The following ALK variants were observed in gnomAD, a reference collection of about 807,000 sequenced individuals.
The protein encoded by ALK is ALK receptor tyrosine kinase, also known as ALK tyrosine kinase receptor.
Under a neutral mutation model 163.1 loss-of-function variants are expected in ALK, and 74 were observed. That is an observed-to-expected ratio of 0.45 (90% CI 0.38 to 0.55). The LOEUF (loss-of-function observed/expected upper bound fraction) is 0.55, where lower values mean the gene tolerates loss of function less well. Ranked by LOEUF, ALK falls within the 20% of genes least tolerant of loss-of-function variation. The pLI, the probability that ALK is intolerant of heterozygous loss-of-function variation, is 0.00. For missense variants in ALK, 2,063 were observed against 2,105.3 expected (o/e 0.98, Z 0.39); for synonymous variants, 960 against 843.2 (o/e 1.14, Z -2.40).
intron 3 of ALK, among the ~76,000 whole-genome samples, chr2:29,571,527 G>C (rs977429906): frequency 6.7e-6 from 1 of 149,662 alleles, no homozygotes; most frequent in Non-Finnish European, 1.5e-5. Context: ...AGTTTCCTGA[G>C]GCCTCCCCAG....
chr2:29,632,162 C>A (rs533830987), intron 3 of ALK, among the ~76,000 whole-genome samples: 1 of 152,138 alleles, frequency 6.6e-6, no homozygotes, highest in Non-Finnish European at 1.5e-5. Flanking sequence ...TGCCTACGTG[C>A]TGTCTGGTGC....
At chr2:29,397,100 A>T (rs1179571972) in intron 4 of ALK, among the ~76,000 whole-genome samples, 1 of 152,054 alleles carries the variant, frequency 6.6e-6, no homozygotes, top group Non-Finnish European at 1.5e-5. Flanking sequence ...GACTCACTCA[A>T]AAAGGTATGT....
At chr2:29,517,339 T>G (rs1286533646) in intron 4 of ALK, among the ~76,000 whole-genome samples, 1 of 152,106 alleles carries the variant, frequency 6.6e-6, no homozygotes, top group African/African-American at 2.4e-5. Context: ...GTCATTTTAT[T>G]TCTCTTGTGT....
intron 13 of ALK, among the ~76,000 whole-genome samples, chr2:29,235,297 A>G (rs542692492): frequency 3.9e-5 from 6 of 152,342 alleles, no homozygotes; most frequent in South Asian, 2.1e-4. Flanking sequence ...GCTGCTTCGT[A>G]ACCAGCTAGT....
At chr2:29,662,323 G>A (rs1677374339) in intron 3 of ALK, among the ~76,000 whole-genome samples, 1 of 152,142 alleles carries the variant, frequency 6.6e-6, no homozygotes, top group South Asian at 2.1e-4. Context: ...CCTTGTGAAA[G>A]TCTAAAATTC....
chr2:29,535,199 CA>C (rs1673220974), intron 3 of ALK, among the ~76,000 whole-genome samples: 1 of 152,246 alleles, frequency 6.6e-6, no homozygotes, highest in South Asian at 2.1e-4. Context: ...CACAGACCTT[CA>C]CCCAGTGTGG....
chr2:29,460,578 G>A (rs1007975132), intron 4 of ALK, among the ~76,000 whole-genome samples: 9 of 152,056 alleles, frequency 5.9e-5, no homozygotes, highest in African/African-American at 2.2e-4. Context: ...ATCTGTTCCA[G>A]TGATCTGGGA....
intron 1 of ALK, among the ~76,000 whole-genome samples, chr2:29,807,238 A>G (rs1664641786): frequency 6.6e-6 from 1 of 152,234 alleles, no homozygotes; most frequent in African/African-American, 2.4e-5. Flanking sequence ...CAACAGTGAC[A>G]TAATAAGAAA....
intron 1 of ALK, among the ~76,000 whole-genome samples, chr2:29,736,072 T>G (rs1253612339): frequency 6.6e-6 from 1 of 152,076 alleles, no homozygotes; most frequent in Non-Finnish European, 1.5e-5. Context: ...GCCCAGGAAG[T>G]CTTACTCCAG....
chr2:29,296,505 G>A (rs942770461), intron 9 of ALK, among the ~76,000 whole-genome samples: 3 of 152,192 alleles, frequency 2.0e-5, no homozygotes, highest in Non-Finnish European at 4.4e-5. Context: ...AAATAAAAGT[G>A]GGGAAAGTAA....
intron 5 of ALK, among the ~76,000 whole-genome samples, chr2:29,376,181 A>G (rs886531764): frequency 1.3e-5 from 2 of 151,974 alleles, no homozygotes; most frequent in African/African-American, 4.8e-5. Context: ...CTGTAAAACC[A>G]ATATATACTC....
intron 3 of ALK, among the ~76,000 whole-genome samples, chr2:29,564,990 G>T (rs1476419695): frequency 6.6e-6 from 1 of 152,132 alleles, no homozygotes; most frequent in African/African-American, 2.4e-5. Flanking sequence ...AGTGACTTGA[G>T]GTAGCTTTCA....
At chr2:29,573,681 G>A (rs890671968) in intron 3 of ALK, among the ~76,000 whole-genome samples, 9 of 152,040 alleles carry the variant, frequency 5.9e-5, no homozygotes, top group African/African-American at 2.4e-5. Flanking sequence ...GAGAGCGTGC[G>A]GGCCACAAAA....
At chr2:29,525,364 G>A (rs1672929775) in intron 4 of ALK, among the ~76,000 whole-genome samples, 2 of 152,168 alleles carry the variant, frequency 1.3e-5, no homozygotes, top group Admixed American at 6.5e-5. Context: ...CCGCTTATGT[G>A]ATCAACCAAT....
intron 5 of ALK, among the ~76,000 whole-genome samples, chr2:29,332,285 CAAAAAAAAAAAAAAAAAAA>C (rs57598066): frequency 0.021 from 386 of 18,328 alleles, 3 homozygotes; most frequent in Non-Finnish European, 0.036. Flanking sequence ...GACTCCATCT[CAAAAAAAAAAAAAAAAAAA>C]AAAAAAAAAA....
chr2:29,531,445 T>C (rs1387139839), intron 4 of ALK, among the ~76,000 whole-genome samples: 1 of 152,154 alleles, frequency 6.6e-6, no homozygotes, highest in Non-Finnish European at 1.5e-5. Flanking sequence ...TACATTGGCG[T>C]AGTATCCATG....
intron 1 of ALK, among the ~76,000 whole-genome samples, chr2:29,783,025 T>C (rs1663880513): frequency 6.6e-6 from 1 of 152,220 alleles, no homozygotes; most frequent in Non-Finnish European, 1.5e-5. Flanking sequence ...CAGTGTTGTG[T>C]TCTGTTTCTA....
Position 29,526,826 on chromosome 2 carries a change from AG to A in ALK, c.1154+5088del, listed in dbSNP as rs567935107. ...CCAGAGCAGCCTGGGAAAAGCAATC[AG>A]GTCCCTTTTCAGAAGCAAATACCTG... is the stretch of plus-strand genomic sequence containing the variant. On this transcript the variant is annotated intron_variant, in intron 4 of 28. Transcript: ENST00000389048. 4.4e-4 allele frequency among the ~76,000 whole-genome samples: 67 copies of A among 152,376 alleles called. 1 individual carries two copies. Among genetic ancestry groups the A allele is most frequent in the African/African-American group, 1.5e-3 (64 of 41,584 alleles).
At chr2:29,626,867 C>CCTCT (rs1467289482) in intron 3 of ALK, among the ~76,000 whole-genome samples, 1 of 152,208 alleles carries the variant, frequency 6.6e-6, no homozygotes, top group Admixed American at 6.5e-5. Context: ...TAGATGCAGG[C>CCTCT]CTCTACCTCT....
Sources: gnomAD v4.1 joint callset for allele counts (sites outside exome capture counted in the v4.1 genomes callset) on GRCh38, gnomAD v4.1.1 for gene constraint, MANE v1.5 for transcripts, NCBI Gene and HGNC (gene_info 2026-07-23, HGNC 2026-07-21) for gene names.